LRP1: variants seen among roughly 807,000 people sequenced by gnomAD.
The protein encoded by LRP1 is prolow-density lipoprotein receptor-related protein 1.
LRP1 carries 51 observed loss-of-function variants against 541.5 expected under a neutral mutation model. The ratio of observed to expected loss-of-function variants is 0.09; its 90% CI spans 0.08 to 0.12. LRP1 has a LOEUF of 0.12. LRP1 is among the 10% of genes least tolerant of loss of function. The pLI, the probability that LRP1 is intolerant of heterozygous loss-of-function variation, is 1.00. For synonymous variants in LRP1, 2,219 were observed against 2,470.8 expected (o/e 0.90, Z 3.02); for missense variants, 3,878 against 6,376.2 (o/e 0.61, Z 13.34).
At chr12:57,167,074 GC>G (rs1483532218) in intron 18 of LRP1, 28 bp downstream of exon 18, 1 of 1,592,420 alleles carries the variant, frequency 6.3e-7, no homozygotes, top group Non-Finnish European at 8.6e-7. Context: ...AGGGAGTCAG[GC>G]TGGGCCTGGG....
chr12:57,204,808 C>G lies in LRP1; in HGVS notation c.11194+59C>G. On this transcript the variant is annotated intron_variant, in intron 72 of 88. Transcript: ENST00000243077. This position sits in a 1 kb window ranked among gnomAD's most constrained non-coding sequence, Gnocchi z 5.3. ...ACGGGTAGTGCACAGTGGGGTGAGT[C>G]TGGTCCTCGTGGGAGCTGCACTGGG... is the stretch of plus-strand genomic sequence containing the variant. The G allele has an allele frequency of 6.2e-7, 1 of 1,600,202 alleles. No individual in the cohort carries two copies. The highest frequency in any genetic ancestry group is 1.7e-5 in the Admixed American group (1 of 59,752).
intron 79 of LRP1, among the ~76,000 whole-genome samples, chr12:57,209,454 C>T (rs759809240): frequency 3.9e-5 from 6 of 152,206 alleles, no homozygotes; most frequent in Non-Finnish European, 5.9e-5. Flanking sequence ...ACATTAGGAA[C>T]GTAGCAAATT....
In LRP1 at chr12:57,193,569, C is replaced by G; in HGVS notation, c.7688C>G (p.Ser2563Cys). The G allele has an allele frequency of 6.2e-7, 1 of 1,613,670 alleles. No homozygotes were observed. Among genetic ancestry groups the G allele is most frequent in the Non-Finnish European group, 8.5e-7 (1 of 1,179,772 alleles). ...KSDEKPSYCN[S>C]RRCKKTFRQC... Reference sequence around the variant, plus strand: ...CAGCCTACTCCTCCATTTGCAGACTCCCGCCGCTGCAAGAAGACTTTCCGG... The same window carrying G: ...CAGCCTACTCCTCCATTTGCAGACTGCCGCCGCTGCAAGAAGACTTTCCGG... Residue 2563 changes from serine to cysteine, a missense_variant, in exon 47 of 89, where the codon TCC becomes TGC. By Grantham distance (112) the Ser-to-Cys change is moderately radical (BLOSUM62 -1). This residue lies in a region of LRP1 where 1,100 missense variants were observed against 1,827.4 expected (regional missense o/e 0.60). Transcript: ENST00000243077.
intron 50 of LRP1, 123 bp downstream of exon 50, chr12:57,194,822 C>T (rs2036493815): frequency 7.6e-7 from 1 of 1,319,720 alleles, no homozygotes; most frequent in Non-Finnish European, 1.0e-6. Context: ...GCCCCACACC[C>T]CAACTCTTGA....
chr12:57,164,847 T>G (rs559222327), intron 15 of LRP1: 16 of 152,284 alleles, frequency 1.1e-4, no homozygotes, highest in African/African-American at 3.4e-4. Context: ...GAGAGGGCGT[T>G]GGCTGAGAGG....
At position 57,166,093 on chromosome 12, in the gene LRP1, C is replaced by CCTGCCCCTCGGACCGATT; in HGVS notation, c.2683_2700dup (p.Cys895_Phe900dup). The CCTGCCCCTCGGACCGATT allele has an allele frequency of 6.2e-7, 1 of 1,614,236 alleles. No individual in the cohort carries two copies. Among genetic ancestry groups the CCTGCCCCTCGGACCGATT allele is most frequent in the Non-Finnish European group, 8.5e-7 (1 of 1,180,040 alleles). ...CTCATTCCCTCCCCAGATCAGCACA[C>CCTGCCCCTCGGACCGATT]CTGCCCCTCGGACCGATTCAAGTGC... is the stretch of plus-strand genomic sequence containing the variant. On this transcript the variant is annotated inframe_insertion, in exon 17 of 89. Coordinates refer to ENST00000243077, the MANE Select transcript of LRP1 (RefSeq NM_002332.3).
chr12:57,194,860 C>A, intron 50 of LRP1, 125 bp from the exon 51 acceptor site: 1 of 1,168,260 alleles, frequency 8.6e-7, no homozygotes, highest in Non-Finnish European at 1.3e-6. Flanking sequence ...CTGCCTCTAG[C>A]TGCTGCTGAG....
rs2036344225 is a variant in LRP1 at position 57,189,940 on chromosome 12, G to T, written c.7032-865G>T. ...TCCAAGGACCACTCTGTCACACCCAGGGTAGTGCATGACCAGCCCTGAGGC... is the reference window on the plus strand; with the variant it reads ...TCCAAGGACCACTCTGTCACACCCATGGTAGTGCATGACCAGCCCTGAGGC... On this transcript the variant is annotated intron_variant, in intron 42 of 88. Coordinates refer to ENST00000243077, the MANE Select transcript of LRP1 (RefSeq NM_002332.3). The surrounding 1 kb of genome is among the most constrained non-coding windows in gnomAD (Gnocchi z 4.4). Among the ~76,000 whole-genome samples, 1 of 152,162 alleles carries T rather than the reference G, an allele frequency of 6.6e-6. No homozygotes were observed. The highest frequency in any genetic ancestry group is 1.5e-5 in the Non-Finnish European group (1 of 68,020).
intron 20 of LRP1, among the ~76,000 whole-genome samples, chr12:57,172,242 C>T (rs1226184999): frequency 6.6e-6 from 1 of 151,948 alleles, no homozygotes; most frequent in East Asian, 1.9e-4. Context: ...GCAATCTCAG[C>T]TCACTGCAAG....
rs932652624 is a variant in LRP1, at chr12:57,169,222, T to C, written c.3078T>C (p.Arg1026=). 1.2e-6 allele frequency: 2 copies of C among 1,613,972 alleles called. No homozygotes were observed. Among genetic ancestry groups the C allele is most frequent in the Admixed American group, 3.3e-5 (2 of 60,030 alleles). The change falls in exon 20 of 89, where the codon CGT becomes CGC. Residue 1026 remains arginine (R), a synonymous_variant. Transcript: ENST00000243077. ...SSTQFKCNSG[R]CIPEHWTCDG... ...CCCAGTTCAAGTGCAACAGCGGGCGTTGCATCCCCGAGCACTGGACCTGCG... is the reference window on the plus strand; with the variant it reads ...CCCAGTTCAAGTGCAACAGCGGGCGCTGCATCCCCGAGCACTGGACCTGCG...
intron 31 of LRP1, 78 bp from the exon 32 acceptor site, chr12:57,180,252 C>T (rs992405192): frequency 1.3e-6 from 2 of 1,586,514 alleles, no homozygotes; most frequent in African/African-American, 2.7e-5. Flanking sequence ...AGCTTAGTGC[C>T]TGTTCTCACC....
rs915595558 is a variant in LRP1 at position 57,144,093 on chromosome 12, G to A, written c.448+295G>A. ...CCTTTGACAAATCCCCCTCAATTCC[G>A]GTCCCCTTCCCATCTCCCTGGAGTT... On this transcript the variant is annotated intron_variant, in intron 4 of 88. Coordinates refer to ENST00000243077, the MANE Select transcript of LRP1 (RefSeq NM_002332.3). 9.2e-5 allele frequency among the ~76,000 whole-genome samples: 14 copies of A among 152,016 alleles called. 1 individual carries two copies. The highest frequency in any genetic ancestry group is 2.9e-4 in the African/African-American group (12 of 41,356).
In LRP1 at chr12:57,135,781, A is replaced by T. The variant is rs116857159; in HGVS notation, c.68-2678A>T. Among the ~76,000 whole-genome samples, 502 of 150,552 alleles carry T rather than the reference A, an allele frequency of 3.3e-3. 23 individuals carry two copies. The East Asian group carries it at 0.087, about 26-fold the overall frequency. ...GAATCTCTCTCATTCCAGCTTTTGGAGTTTGCCAGCTGCTGTTTCCTCTGT... is the reference window on the plus strand; with the variant it reads ...GAATCTCTCTCATTCCAGCTTTTGGTGTTTGCCAGCTGCTGTTTCCTCTGT... On this transcript the variant is annotated intron_variant, in intron 1 of 88. Coordinates refer to ENST00000243077, the MANE Select transcript of LRP1 (RefSeq NM_002332.3).
Position 57,202,403 on chromosome 12 carries a change from G to A in LRP1, c.10595-18G>A, listed in dbSNP as rs376343068. On this transcript the variant is annotated intron_variant, in intron 67 of 88. Coordinates refer to ENST00000243077, the MANE Select transcript of LRP1 (RefSeq NM_002332.3). ...CCCCAGCCCTTTCCCTGACTGCCCT[G>A]ACACTTGCCTCCTCCAGATGAACGC... 8.8e-6 allele frequency: 14 copies of A among 1,587,890 alleles called. No homozygotes were observed. Among genetic ancestry groups the A allele is most frequent in the Non-Finnish European group, 1.2e-5 (14 of 1,156,972 alleles).
chr12:57,201,540 C>T lies in LRP1; in HGVS notation c.10389C>T (p.Thr3463=). 1 of 1,614,108 alleles carries T rather than the reference C, an allele frequency of 6.2e-7. No individual in the cohort carries two copies. Among genetic ancestry groups the T allele is most frequent in the Non-Finnish European group, 8.5e-7 (1 of 1,179,996 alleles). ...CAPNQFQCSI[T]KRCIPRVWVC... ...CCAACCAGTTCCAGTGCTCCATTAC[C>T]AAACGGTGCATCCCCCGGGTCTGGG... Residue 3463 remains threonine, a synonymous_variant, in exon 66 of 89, where the codon ACC becomes ACT. Coordinates refer to ENST00000243077, the MANE Select transcript of LRP1 (RefSeq NM_002332.3). This position sits in a 1 kb window ranked among gnomAD's most constrained non-coding sequence, Gnocchi z 6.4.
chr12:57,177,325 C>T lies in LRP1; in HGVS notation c.4196+80C>T. 2.5e-6 allele frequency: 4 copies of T among 1,571,486 alleles called. No individual in the cohort carries two copies. The highest frequency in any genetic ancestry group is 3.4e-5 in the Admixed American group (2 of 59,068). On this transcript the variant is annotated intron_variant, in intron 25 of 88. Transcript: ENST00000243077. The surrounding 1 kb of genome is among the most constrained non-coding windows in gnomAD (Gnocchi z 6.8). ...CAGCCTGGCCAGGGACACCTTACTC[C>T]TCAGTGCCATCTGCCTCCTCCCACC...
At chr12:57,129,197 T>TG in intron 1 of LRP1, 166 bp downstream of exon 1, 1 of 680,806 alleles carries the variant, frequency 1.5e-6, no homozygotes, top group East Asian at 2.8e-5. Flanking sequence ...GGGTCCGATT[T>TG]GGGGGATGGG....
Position 57,205,062 on chromosome 12 carries a change from G to A in LRP1, c.11195-47G>A, listed in dbSNP as rs748041902. The stretch of plus-strand genomic sequence containing the variant: ...TATCTATGGGGTTGCCGTGGGAGGA[G>A]GAGGCAGGGGAGAATACCCAGGGCC... On this transcript the variant is annotated intron_variant, in intron 72 of 88. Coordinates refer to ENST00000243077, the MANE Select transcript of LRP1 (RefSeq NM_002332.3). The surrounding 1 kb of genome is among the most constrained non-coding windows in gnomAD (Gnocchi z 4.6). 35 of 1,567,948 alleles carry A rather than the reference G, an allele frequency of 2.2e-5. No homozygotes were observed. In the Admixed American group the frequency reaches 6.3e-4, roughly 28 times the overall value.
rs2036945150 is a variant in LRP1, at chr12:57,212,696, T to TGAGCGAGCAAGCCGGC, written c.*142_*157dup. ...AAATGAAGGAATTACATTTTATATG[T>TGAGCGAGCAAGCCGGC]GAGCGAGCAAGCCGGCAAGCGAGCA... is the stretch of plus-strand genomic sequence containing the variant. On this transcript the variant is annotated 3_prime_UTR_variant, in exon 89 of 89. Coordinates refer to ENST00000243077, the MANE Select transcript of LRP1 (RefSeq NM_002332.3). The surrounding 1 kb of genome is among the most constrained non-coding windows in gnomAD (Gnocchi z 5.0). 1 of 931,446 alleles carries TGAGCGAGCAAGCCGGC rather than the reference T, an allele frequency of 1.1e-6. No homozygotes were observed. Among genetic ancestry groups the TGAGCGAGCAAGCCGGC allele is most frequent in the Non-Finnish European group, 1.6e-6 (1 of 641,738 alleles). 57.7% of individuals were successfully genotyped at this position (931,446 alleles called of 1,614,324 possible).
Sources: gnomAD v4.1 joint callset for allele counts (sites outside exome capture counted in the v4.1 genomes callset) on GRCh38, gnomAD v4.1.1 for gene constraint, gnomAD v4.1.1 regional missense constraint, Gnocchi (gnomAD v3.1) non-coding constraint, MANE v1.5 for transcripts, NCBI Gene and HGNC (gene_info 2026-07-23, HGNC 2026-07-21) for gene names.